HMCN1: variants seen among roughly 807,000 people sequenced by gnomAD.
HMCN1 encodes hemicentin-1.
A neutral mutation model predicts 625.9 loss-of-function variants in HMCN1; 321 were observed. The observed-to-expected ratio is 0.51, with a 90% CI of 0.47 to 0.56. HMCN1 has a LOEUF of 0.56. HMCN1 is among the 20% of genes least tolerant of loss of function. The pLI is 0.00. For missense variants in HMCN1, 6,588 were observed against 6,887.3 expected, an observed-to-expected ratio of 0.96 and a Z score of 1.54; for synonymous variants, 2,425 against 2,417.6, an observed-to-expected ratio of 1.00 and a Z score of -0.09.
chr1:186,074,781 GAC>G lies in HMCN1; in HGVS notation c.8187_8188del (p.Leu2730SerfsTer19), dbSNP rs1658702864. Reference sequence around the variant, plus strand: ...GATCATGTTAATATTGCTGCGAATGGACACACACTTCAAATAAAGGAGGCTCA... The same window carrying G: ...GATCATGTTAATATTGCTGCGAATGGACACACTTCAAATAAAGGAGGCTCA... On this transcript the variant is annotated frameshift_variant, in exon 53 of 107. Coordinates refer to ENST00000271588, the MANE Select transcript of HMCN1 (RefSeq NM_031935.3). LOFTEE classifies it high-confidence loss of function. 1 of 1,612,980 alleles carries G rather than the reference GAC, an allele frequency of 6.2e-7. No homozygotes were observed. Among genetic ancestry groups the G allele is most frequent in the Non-Finnish European group, 8.5e-7 (1 of 1,179,322 alleles).
At chr1:186,018,487 A>C (rs1297020068) in intron 34 of HMCN1, 135 bp downstream of exon 34, 2 of 909,144 alleles carry the variant, frequency 2.2e-6, no homozygotes, top group East Asian at 5.0e-5. Flanking sequence ...TGTGAATTTC[A>C]GTTGTATGCC....
chr1:186,149,969 C>G (rs1386173296), intron 93 of HMCN1, among the ~76,000 whole-genome samples: 2 of 152,070 alleles, frequency 1.3e-5, no homozygotes, highest in East Asian at 1.9e-4. Flanking sequence ...CATCCAAGAT[C>G]ACTGATCACA....
At chr1:186,044,281 G>T (rs1429394186) in intron 40 of HMCN1, among the ~76,000 whole-genome samples, 1 of 152,090 alleles carries the variant, frequency 6.6e-6, no homozygotes, top group African/African-American at 2.4e-5. Context: ...TTTAGCAGAA[G>T]GAACGAAGGA....
At chr1:185,780,831 A>C (rs1016943531) in intron 1 of HMCN1, among the ~76,000 whole-genome samples, 2 of 152,268 alleles carry the variant, frequency 1.3e-5, no homozygotes, top group East Asian at 1.9e-4. Flanking sequence ...TGTCTCTGCC[A>C]GGCTTTGGTA....
chr1:186,116,466 T>C (rs1661139199), intron 75 of HMCN1, among the ~76,000 whole-genome samples: 1 of 151,464 alleles, frequency 6.6e-6, no homozygotes, highest in Non-Finnish European at 1.5e-5. Flanking sequence ...TGCCATATTA[T>C]CTACAAGGTA....
In HMCN1 at chr1:186,166,955, A is replaced by G. The variant is rs758192156; in HGVS notation, c.15574+13A>G. On this transcript the variant is annotated intron_variant, in intron 100 of 106. Coordinates refer to ENST00000271588, the MANE Select transcript of HMCN1 (RefSeq NM_031935.3). The stretch of plus-strand genomic sequence containing the variant: ...CTGAGTTGTCAAGGTATAAAAATGG[A>G]GGCCTTTTCTTTATGTTCATGACAG... The G allele has an allele frequency of 1.9e-6, 3 of 1,614,016 alleles. No individual in the cohort carries two copies. The highest frequency in any genetic ancestry group is 1.1e-5 in the South Asian group (1 of 91,076).
chr1:185,790,451 C>A (rs970258825), intron 1 of HMCN1, among the ~76,000 whole-genome samples: 2 of 152,152 alleles, frequency 1.3e-5, no homozygotes, highest in East Asian at 3.9e-4. Context: ...TTTATCCTGA[C>A]TAATAGAAGA....
At chr1:185,831,620 GAA>G (rs1459241440) in intron 1 of HMCN1, among the ~76,000 whole-genome samples, 2 of 151,984 alleles carry the variant, frequency 1.3e-5, no homozygotes, top group African/African-American at 4.8e-5. Flanking sequence ...CTGAAAAGCT[GAA>G]AAGTCTTAGA....
At chr1:186,054,170 C>T (rs941960929) in intron 44 of HMCN1, among the ~76,000 whole-genome samples, 184 bp downstream of exon 44, 10 of 151,894 alleles carry the variant, frequency 6.6e-5, no homozygotes, top group African/African-American at 2.2e-4. Context: ...GGCTGTTATT[C>T]GGCATTACAG....
chr1:185,955,394 A>C (rs980046379), intron 11 of HMCN1, among the ~76,000 whole-genome samples: 2 of 152,204 alleles, frequency 1.3e-5, no homozygotes, highest in African/African-American at 2.4e-5. Context: ...AAAGAAATAA[A>C]AATTTTTCCT....
chr1:185,796,545 A>G (rs1356828222), intron 1 of HMCN1, among the ~76,000 whole-genome samples: 2 of 152,092 alleles, frequency 1.3e-5, no homozygotes, highest in Non-Finnish European at 2.9e-5. Flanking sequence ...GAGTTATTTC[A>G]CTTATGATAA....
At chr1:185,836,530 TA>T (rs1320793138) in intron 1 of HMCN1, among the ~76,000 whole-genome samples, 4 of 152,196 alleles carry the variant, frequency 2.6e-5, no homozygotes, top group African/African-American at 9.6e-5. Flanking sequence ...TATATGTTTT[TA>T]ACCATTTCTC....
At chr1:185,769,108 T>C (rs77496211) in intron 1 of HMCN1, among the ~76,000 whole-genome samples, 2,516 of 152,234 alleles carry the variant, frequency 0.017, 77 homozygotes, top group African/African-American at 0.053. Context: ...AGAATCCCCT[T>C]TCCAAATACT....
rs58407499 is a variant in HMCN1, at chr1:186,083,500, TA to T, written c.8884+557del. 3.0e-3 allele frequency among the ~76,000 whole-genome samples: 373 copies of T among 123,624 alleles called. 2 individuals are homozygous for T. Among genetic ancestry groups the T allele is most frequent in the South Asian group, 5.6e-3 (22 of 3,896 alleles). The allele number at this position is 123,624 out of a possible 152,430, so 81.1% of individuals were successfully genotyped here. ...ACACTCCATAAATACCACTTTTTGCTAAAAAAAAAAAAAAAAAAGTAGTTGA... is the reference window on the plus strand; with the variant it reads ...ACACTCCATAAATACCACTTTTTGCTAAAAAAAAAAAAAAAAAGTAGTTGA... On this transcript the variant is annotated intron_variant, in intron 57 of 106. Coordinates refer to ENST00000271588, the MANE Select transcript of HMCN1 (RefSeq NM_031935.3).
intron 1 of HMCN1, among the ~76,000 whole-genome samples, chr1:185,781,054 A>C (rs937384971): frequency 6.6e-6 from 1 of 152,106 alleles, no homozygotes; most frequent in African/African-American, 2.4e-5. Flanking sequence ...CAGAGATTCA[A>C]CTTCTTCCTG....
At chr1:186,107,147 A>G (rs1034432262) in intron 70 of HMCN1, among the ~76,000 whole-genome samples, 182 bp downstream of exon 70, 4 of 151,858 alleles carry the variant, frequency 2.6e-5, no homozygotes, top group Admixed American at 2.0e-4. Context: ...GTGCAGTGGC[A>G]CTATCTCGGC....
intron 38 of HMCN1, 141 bp downstream of exon 38, chr1:186,039,146 A>T: frequency 1.4e-6 from 1 of 717,890 alleles, no homozygotes; most frequent in Non-Finnish European, 2.5e-6. Flanking sequence ...TCTAAAACTT[A>T]TAAATGTGCT....
chr1:186,161,178 C>T (rs995673458), intron 97 of HMCN1, among the ~76,000 whole-genome samples: 6 of 150,004 alleles, frequency 4.0e-5, no homozygotes, highest in East Asian at 1.9e-4. Context: ...TATGTAATGG[C>T]CTTCTTTGTC....
chr1:185,766,450 G>A (rs1655878220), intron 1 of HMCN1, among the ~76,000 whole-genome samples: 1 of 152,108 alleles, frequency 6.6e-6, no homozygotes, highest in Non-Finnish European at 1.5e-5. Flanking sequence ...AAGGGCTAAA[G>A]CTCAGGATAA....
Sources: allele counts gnomAD v4.1 joint callset (sites outside exome capture counted in the v4.1 genomes callset), GRCh38; gene constraint gnomAD v4.1.1; transcripts MANE v1.5; gene names NCBI Gene and HGNC (gene_info 2026-07-23, HGNC 2026-07-21).